The following COL9A2 variants were observed in gnomAD, a reference collection of about 807,000 sequenced individuals.
COL9A2 encodes the protein collagen alpha-2(IX) chain.
COL9A2 carries 66 observed loss-of-function variants against 111.6 expected under a neutral mutation model. The observed-to-expected ratio is 0.59, with a 90% CI of 0.48 to 0.73. The LOEUF is 0.73. COL9A2 is among the 30% of genes least tolerant of loss of function. The pLI, the probability that COL9A2 is intolerant of heterozygous loss-of-function variation, is 0.00. For missense variants in COL9A2, 881 were observed against 954.1 expected, an observed-to-expected ratio of 0.92 and a Z score of 1.01; for synonymous variants, 353 against 364.1, an observed-to-expected ratio of 0.97 and a Z score of 0.35.
In COL9A2 at chr1:40,316,573, G is replaced by A; in HGVS notation, c.75+550C>T. The A allele has an allele frequency of 2.2e-6, 1 of 454,078 alleles. No homozygotes were observed. The highest frequency in any genetic ancestry group is 1.6e-5 in the South Asian group (1 of 64,466). The allele number at this position is 454,078 out of a possible 1,614,324, so 28.1% of individuals were successfully genotyped here. A position where few individuals can be genotyped will look rare whatever the true frequency, so the allele number is the denominator to read the frequency against. On this transcript the variant is annotated intron_variant, in intron 1 of 31. Transcript: ENST00000372748. This position sits in a 1 kb window ranked among gnomAD's most constrained non-coding sequence, Gnocchi z 5.5. ...CCGGTGCCCACGACCTCCCCAGGCC[G>A]CGAAGTGCCAGGCTGGCGCCCCGCA...
At position 40,310,165 on chromosome 1, in the gene COL9A2, C is replaced by T; in HGVS notation, c.739-1G>A. On this transcript the variant is annotated splice_acceptor_variant, in intron 14 of 31. Coordinates refer to ENST00000372748, the MANE Select transcript of COL9A2 (RefSeq NM_001852.4). LOFTEE classifies it high-confidence loss of function. The surrounding 1 kb of genome is among the most constrained non-coding windows in gnomAD (Gnocchi z 4.9). ...CCATGCCTTTATATCCATGAGGGCC[C>T]TGGGGAGAGGAAAGGGTTGCAGGTC... 6.2e-7 allele frequency: 1 copy of T among 1,614,114 alleles called. No homozygotes were observed. Among genetic ancestry groups the T allele is most frequent in the Non-Finnish European group, 8.5e-7 (1 of 1,180,004 alleles).
rs1643933432 is a variant in COL9A2, at chr1:40,302,717, A to G, written c.1696T>C (p.Tyr566His). The change falls in exon 30 of 32, where the codon TAC becomes CAC. Residue 566 changes from tyrosine to histidine, a missense_variant. Physicochemically the swap from Tyr to His is moderately conservative, Grantham distance 83 (BLOSUM62 2). Transcript: ENST00000372748. The surrounding 1 kb of genome is among the most constrained non-coding windows in gnomAD (Gnocchi z 4.5). The stretch of plus-strand genomic sequence containing the variant: ...CCATGGGGGCCCTGCTTGCCTGGGT[A>G]CCCAGGGGGCCCAGGAGGTCCTGGA... ...GPPGPPGPPGYPGKQGPHGHP... is the reference protein window; with the variant it reads ...GPPGPPGPPGHPGKQGPHGHP... 3 of 1,539,910 alleles carry G rather than the reference A, an allele frequency of 1.9e-6. No homozygotes were observed. Among genetic ancestry groups the G allele is most frequent in the Non-Finnish European group, 2.6e-6 (3 of 1,139,474 alleles).
rs952001097 is a variant in COL9A2 at position 40,307,194 on chromosome 1, C to A, written c.1008+252G>T. Among the ~76,000 whole-genome samples the A allele has an allele frequency of 3.9e-5, 6 of 152,084 alleles. No individual in the cohort carries two copies. Among genetic ancestry groups the A allele is most frequent in the Non-Finnish European group, 8.8e-5 (6 of 67,994 alleles). On this transcript the variant is annotated intron_variant, in intron 19 of 31. Transcript: ENST00000372748. The surrounding 1 kb of genome is among the most constrained non-coding windows in gnomAD (Gnocchi z 4.8). ...GGACTGAATGACTTTTTCCTGGAGG[C>A]GGTGGGGAGCCATGGAAGGTGCTAT...
chr1:40,316,302 C>T lies in COL9A2; in HGVS notation c.76-638G>A, dbSNP rs209922. 0.32 allele frequency among the ~76,000 whole-genome samples: 48,244 copies of T among 152,110 alleles called. 8,824 individuals are homozygous for T. The highest frequency in any genetic ancestry group is 0.7 in the East Asian group (3,583 of 5,148). On this transcript the variant is annotated intron_variant, in intron 1 of 31. Coordinates refer to ENST00000372748, the MANE Select transcript of COL9A2 (RefSeq NM_001852.4). This position sits in a 1 kb window ranked among gnomAD's most constrained non-coding sequence, Gnocchi z 5.5. ...GCTGCCCGGTCCTCCCTCTGCTAAG[C>T]CCTGACTGCTGCAGGGGAGCAGGAG...
chr1:40,304,828 C>T lies in COL9A2; in HGVS notation c.1127G>A (p.Gly376Glu). 6.4e-7 allele frequency: 1 copy of T among 1,550,790 alleles called. No homozygotes were observed. Among genetic ancestry groups the T allele is most frequent in the South Asian group, 1.2e-5 (1 of 84,062 alleles). ...CATGATGCCCTGGGGACCAATTTCTCCTCGAGGCCCTGGCTCTCCCTGGAG... is the reference window on the plus strand; with the variant it reads ...CATGATGCCCTGGGGACCAATTTCTTCTCGAGGCCCTGGCTCTCCCTGGAG... ...PGKEGEPGPR[G>E]EIGPQGIMGQ... Residue 376 changes from glycine (G) to glutamate (E), a missense_variant, in exon 22 of 32, where the codon GGA becomes GAA. Physicochemically the swap from Gly to Glu is moderately conservative, Grantham distance 98 (BLOSUM62 -2). Transcript: ENST00000372748.
chr1:40,302,587 C>G lies in COL9A2; in HGVS notation c.1792+34G>C. The G allele has an allele frequency of 6.4e-7, 1 of 1,573,416 alleles. No homozygotes were observed. The highest frequency in any genetic ancestry group is 8.6e-7 in the Non-Finnish European group (1 of 1,162,974). On this transcript the variant is annotated intron_variant, in intron 30 of 31. Transcript: ENST00000372748. This position sits in a 1 kb window ranked among gnomAD's most constrained non-coding sequence, Gnocchi z 4.5. ...GCCGGCCTGGACAAATCCTCACTGC[C>G]TGGCCCCCATGCCCACCGCAGAGGA...
intron 4 of COL9A2, among the ~76,000 whole-genome samples, chr1:40,313,438 G>T (rs1026039626): frequency 2.0e-5 from 3 of 152,144 alleles, no homozygotes; most frequent in Middle Eastern, 3.2e-3. Flanking sequence ...CAAAGTGCTG[G>T]GATTACAGGC....
rs748102200 is a variant in COL9A2 at position 40,311,333 on chromosome 1, C to T, written c.520-47G>A. On this transcript the variant is annotated intron_variant, in intron 10 of 31. Transcript: ENST00000372748. This position sits in a 1 kb window ranked among gnomAD's most constrained non-coding sequence, Gnocchi z 5.1. ...GGGTCCTGTGATCAGCTGGGCAGTG[C>T]GCCCCCATCTCTCCAAGCCCCGTGC... The T allele has an allele frequency of 1.9e-5, 31 of 1,599,630 alleles. No individual in the cohort carries two copies. The highest frequency in any genetic ancestry group is 1.3e-4 in the South Asian group (12 of 89,798).
In COL9A2 at chr1:40,311,582, C is replaced by A. The variant is rs1021413444; in HGVS notation, c.472-35G>T. On this transcript the variant is annotated intron_variant, in intron 9 of 31. Coordinates refer to ENST00000372748, the MANE Select transcript of COL9A2 (RefSeq NM_001852.4). The surrounding 1 kb of genome is among the most constrained non-coding windows in gnomAD (Gnocchi z 5.1). ...GACATGAAGATGGAGCTTGGCCTGA[C>A]CCTTTCCCGCCGCAGGCTTGCTCAA... 6.2e-7 allele frequency: 1 copy of A among 1,613,998 alleles called. No individual in the cohort carries two copies. Among genetic ancestry groups the A allele is most frequent in the East Asian group, 2.2e-5 (1 of 44,848 alleles).
rs958849054 is a variant in COL9A2, at chr1:40,303,777, G to A, written c.1401+30C>T. ...AGGAAGGGAGTGGCCGCCCAGGAAA[G>A]TCGGAGAACGCCGGGAGGGGAGGAC... On this transcript the variant is annotated intron_variant, in intron 27 of 31. Transcript: ENST00000372748. The surrounding 1 kb of genome is among the most constrained non-coding windows in gnomAD (Gnocchi z 4.6). 2 of 1,560,732 alleles carry A rather than the reference G, an allele frequency of 1.3e-6. No homozygotes were observed. The highest frequency in any genetic ancestry group is 1.7e-6 in the Non-Finnish European group (2 of 1,153,916).
intron 21 of COL9A2, 79 bp from the exon 22 acceptor site, chr1:40,304,926 C>T: frequency 7.7e-7 from 1 of 1,294,052 alleles, no homozygotes; most frequent in African/African-American, 1.5e-5. Context: ...CCCTCCCTAC[C>T]CTGGGTCTCA....
rs775901497 is a variant in COL9A2, at chr1:40,307,668, C to G, written c.954+35G>C. On this transcript the variant is annotated intron_variant, in intron 18 of 31. Coordinates refer to ENST00000372748, the MANE Select transcript of COL9A2 (RefSeq NM_001852.4). This position sits in a 1 kb window ranked among gnomAD's most constrained non-coding sequence, Gnocchi z 4.8. ...TAGAATCCAGGACTCAAGGTCCTGC[C>G]CCTGCCCCAGTCCCATCAGCAGCCC... 1 of 1,612,532 alleles carries G rather than the reference C, an allele frequency of 6.2e-7. No individual in the cohort carries two copies. The highest frequency in any genetic ancestry group is 1.3e-5 in the African/African-American group (1 of 74,902).
At chr1:40,309,624 T>A (rs1644085261) in intron 16 of COL9A2, among the ~76,000 whole-genome samples, 1 of 151,784 alleles carries the variant, frequency 6.6e-6, no homozygotes. Flanking sequence ...GGTCACCCAC[T>A]TGGGCAGACA....
Position 40,311,335 on chromosome 1 carries a change from C to A in COL9A2, c.520-49G>T, listed in dbSNP as rs1644121390. 1 of 1,599,262 alleles carries A rather than the reference C, an allele frequency of 6.3e-7. No individual in the cohort carries two copies. The highest frequency in any genetic ancestry group is 8.5e-7 in the Non-Finnish European group (1 of 1,171,210). ...GTCCTGTGATCAGCTGGGCAGTGCG[C>A]CCCCATCTCTCCAAGCCCCGTGCTC... On this transcript the variant is annotated intron_variant, in intron 10 of 31. Transcript: ENST00000372748. This position sits in a 1 kb window ranked among gnomAD's most constrained non-coding sequence, Gnocchi z 5.1.
At chr1:40,315,753 C>G in intron 1 of COL9A2, 89 bp from the exon 2 acceptor site, 1 of 863,714 alleles carries the variant, frequency 1.2e-6, no homozygotes, top group South Asian at 1.7e-5. Context: ...GGAGCGGGGT[C>G]CTAGGGGCGC....
Position 40,314,458 on chromosome 1 carries a change from G to C in COL9A2, c.151-71C>G, listed in dbSNP as rs1323763281. ...CCCCAAGTGGGCACACACAGGCCCT[G>C]GCAGGCCGCTCCCAAAGGCTCTCCT... On this transcript the variant is annotated intron_variant, in intron 2 of 31. Transcript: ENST00000372748. This position sits in a 1 kb window ranked among gnomAD's most constrained non-coding sequence, Gnocchi z 4.1. 40 of 1,583,186 alleles carry C rather than the reference G, an allele frequency of 2.5e-5. No individual in the cohort carries two copies. Among genetic ancestry groups the C allele is most frequent in the Non-Finnish European group, 3.4e-5 (39 of 1,152,218 alleles).
At position 40,312,059 on chromosome 1, in the gene COL9A2, C is replaced by T. The variant is rs762408011; in HGVS notation, c.417G>A (p.Lys139=). The part of the protein sequence containing the change: ...LPGEIGIRGP[K]GDPGPDGPSG... The stretch of plus-strand genomic sequence containing the variant: ...TGAACAGAGGGTGGCTGAGGCTCAC[C>T]TTGGGGCCTCGGATTCCAATCTCAC... Residue 139 remains lysine (K), a splice_region_variant and synonymous_variant, in exon 8 of 32, where the codon AAG becomes AAA. Coordinates refer to ENST00000372748, the MANE Select transcript of COL9A2 (RefSeq NM_001852.4). This position sits in a 1 kb window ranked among gnomAD's most constrained non-coding sequence, Gnocchi z 6.0. 6.3e-7 allele frequency: 1 copy of T among 1,599,402 alleles called. No homozygotes were observed. Among genetic ancestry groups the T allele is most frequent in the Non-Finnish European group, 8.5e-7 (1 of 1,174,672 alleles).
chr1:40,306,240 C>T (rs2124065617), intron 19 of COL9A2, 53 bp from the exon 20 acceptor site: 3 of 1,602,354 alleles, frequency 1.9e-6, no homozygotes, highest in African/African-American at 1.3e-5. Flanking sequence ...GAGCCCCATG[C>T]ACCTGCTGCT....
At chr1:40,306,113 A>G in intron 20 of COL9A2, 30 bp downstream of exon 20, 1 of 1,613,760 alleles carries the variant, frequency 6.2e-7, no homozygotes, top group Admixed American at 1.7e-5. Flanking sequence ...TTCCTTGCTC[A>G]ATTCTGTCCC....
Sources: allele counts gnomAD v4.1 joint callset (sites outside exome capture counted in the v4.1 genomes callset), GRCh38; gene constraint gnomAD v4.1.1; non-coding constraint Gnocchi (gnomAD v3.1); transcripts MANE v1.5; gene names NCBI Gene and HGNC (gene_info 2026-07-23, HGNC 2026-07-21).